GPR89B: variants seen among roughly 807,000 people sequenced by gnomAD.
The protein encoded by GPR89B is G protein-coupled receptor 89B.
Under a neutral mutation model 52.4 loss-of-function variants are expected in GPR89B, and 25 were observed. The ratio of observed to expected loss-of-function variants is 0.48; its 90% confidence interval spans 0.35 to 0.67. GPR89B has a LOEUF of 0.67. Ranked by LOEUF, GPR89B falls within the 30% of genes least tolerant of loss-of-function variation. The probability of loss-of-function intolerance (pLI) is 0.01; values close to 1 mark genes in which losing one functional copy is unlikely to be tolerated. For missense variants in GPR89B, 146 were observed against 450.2 expected, an observed-to-expected ratio of 0.32 and a Z score of 6.11; for synonymous variants, 52 against 151.2, an observed-to-expected ratio of 0.34 and a Z score of 4.81.
At chr1:147,940,616 A>G (rs1553248775) in intron 3 of GPR89B, among the ~76,000 whole-genome samples, 1 of 152,208 alleles carries the variant, frequency 6.6e-6, no homozygotes, top group Non-Finnish European at 1.5e-5. Flanking sequence ...TCTGTGGACC[A>G]GAAGGTTTCT....
In GPR89B at chr1:147,992,798, C is replaced by T; in HGVS notation, c.1249C>T (p.Leu417=). The change falls in exon 14 of 14, where the codon CTG becomes TTG. Residue 417 remains leucine (L), a synonymous_variant. Coordinates refer to ENST00000314163, the MANE Select transcript of GPR89B (RefSeq NM_016334.5). Reference sequence around the variant, plus strand: ...CATAATCACTGAAGTCCTTGGAGAACTGCAGTTCAACTTCTATCACCGTTG... The same window carrying T: ...CATAATCACTGAAGTCCTTGGAGAATTGCAGTTCAACTTCTATCACCGTTG... ...RTIITEVLGE[L]QFNFYHRWFD... 2 of 1,326,018 alleles carry T rather than the reference C, an allele frequency of 1.5e-6. No homozygotes were observed. The highest frequency in any genetic ancestry group is 1.2e-5 in the South Asian group (1 of 82,216). 82.1% of individuals were successfully genotyped at this position (1,326,018 alleles called of 1,614,324 possible).
chr1:147,934,415 G>A (rs587719279), intron 1 of GPR89B, among the ~76,000 whole-genome samples: 2 of 152,188 alleles, frequency 1.3e-5, no homozygotes, highest in South Asian at 2.1e-4. Context: ...GGGCTCAAGC[G>A]ATCTACCCAA....
chr1:148,000,887 T>C, the GPR89B span, among the ~76,000 whole-genome samples: 1 of 142,870 alleles, frequency 7.0e-6, no homozygotes. Flanking sequence ...CAGGTTGGTC[T>C]TGGTCTATCT....
intron 12 of GPR89B, among the ~76,000 whole-genome samples, chr1:147,991,967 A>C (rs1659102761): frequency 6.6e-6 from 1 of 152,104 alleles, no homozygotes; most frequent in Non-Finnish European, 1.5e-5. Flanking sequence ...TTATGAGGCC[A>C]GCATCATCCT....
rs1289750954 is a variant in GPR89B at position 147,949,214 on chromosome 1, C to T, written c.416-4131C>T. On this transcript the variant is annotated intron_variant, in intron 5 of 13. Transcript: ENST00000314163. ...TTTCTCAATCCTTTCCCCGCCTTTCCCCCCTTTCCATTCCACAAAACCGCC... is the reference window on the plus strand; with the variant it reads ...TTTCTCAATCCTTTCCCCGCCTTTCTCCCCTTTCCATTCCACAAAACCGCC... 5.3e-5 allele frequency among the ~76,000 whole-genome samples: 8 copies of T among 152,244 alleles called. No homozygotes were observed. The East Asian group carries it at 1.6e-3, about 30-fold the overall frequency.
downstream of GPR89B, chr1:147,995,694 T>C (rs1659300094): frequency 4.4e-6 from 7 of 1,608,500 alleles, no homozygotes; most frequent in Non-Finnish European, 5.9e-6. Flanking sequence ...GAGGAAACAA[T>C]AGGGATTTTC....
intron 7 of GPR89B, among the ~76,000 whole-genome samples, chr1:147,963,396 C>A (rs1365771599): frequency 6.9e-6 from 1 of 145,902 alleles, no homozygotes; most frequent in African/African-American, 2.5e-5. Flanking sequence ...AAAAAAAATA[C>A]TGTTAAGAGG....
chr1:147,939,689 C>T (rs1295100912), intron 3 of GPR89B, among the ~76,000 whole-genome samples: 1 of 152,100 alleles, frequency 6.6e-6, no homozygotes, highest in African/African-American at 2.4e-5. Context: ...AATCACAAAA[C>T]ATTGAAAGGT....
the GPR89B span, chr1:148,009,567 C>T: frequency 6.5e-7 from 1 of 1,535,144 alleles, no homozygotes; most frequent in Non-Finnish European, 9.0e-7. Flanking sequence ...CACTGAATTC[C>T]CACTCTTTCT....
rs377310946 is a variant in GPR89B at position 147,928,480 on chromosome 1, C to G, written c.-57C>G. On this transcript the variant is annotated 5_prime_UTR_variant, in exon 1 of 14. Coordinates refer to ENST00000314163, the MANE Select transcript of GPR89B (RefSeq NM_016334.5). The stretch of plus-strand genomic sequence containing the variant: ...CGTGTGAGGGGGCCTGTGGCCCCAG[C>G]GTGCTGTGGCCTCCGGGAGTGGGAA... The G allele has an allele frequency of 7.1e-4, 1,139 of 1,605,398 alleles. 12 individuals carry two copies. In the African/African-American group the frequency reaches 0.013, roughly 19 times the overall value.
At chr1:147,944,895 A>AATATAT (rs1224164818) in intron 5 of GPR89B, among the ~76,000 whole-genome samples, 21 of 148,354 alleles carry the variant, frequency 1.4e-4, no homozygotes, top group African/African-American at 5.2e-4. Context: ...CCTTTTTAAA[A>AATATAT]ATATATATAT....
At chr1:147,934,307 G>A (rs1408502460) in intron 1 of GPR89B, among the ~76,000 whole-genome samples, 37 of 152,022 alleles carry the variant, frequency 2.4e-4, no homozygotes, top group Non-Finnish European at 1.2e-4. Flanking sequence ...CTCCCCATAA[G>A]CTGGAACTAC....
intron 7 of GPR89B, among the ~76,000 whole-genome samples, chr1:147,963,455 T>C (rs1353983625): frequency 6.7e-6 from 1 of 149,942 alleles, no homozygotes; most frequent in Non-Finnish European, 1.5e-5. Context: ...AAGCCACTTA[T>C]TTGAGAAAGC....
chr1:147,983,951 G>A (rs1388288134), intron 10 of GPR89B, among the ~76,000 whole-genome samples: 11 of 151,958 alleles, frequency 7.2e-5, no homozygotes, highest in Non-Finnish European at 1.5e-4. Flanking sequence ...TGATAGACTG[G>A]ATTCAGAAAA....
At chr1:147,995,165 GTTAATC>G (rs1202020232), downstream of GPR89B, among the ~76,000 whole-genome samples, 1 of 151,242 alleles carries the variant, frequency 6.6e-6, no homozygotes, top group African/African-American at 2.4e-5. Context: ...CTTTAATATA[GTTAATC>G]TTAGTTAACA....
In GPR89B at chr1:147,992,509, A is replaced by G; in HGVS notation, c.1103A>G (p.Tyr368Cys). ...GLLITLTKFF[Y>C]AISSSKSSNV... ...CTCCCTCTTTCTTGACAGTTCTTTT[A>G]TGCCATCTCTAGCAGTAAGTCCTCC... Residue 368 changes from tyrosine (Y) to cysteine (C), a missense_variant, in exon 13 of 14, where the codon TAT becomes TGT. Transcript: ENST00000314163. 6.2e-7 allele frequency: 1 copy of G among 1,611,560 alleles called. No individual in the cohort carries two copies. The highest frequency in any genetic ancestry group is 8.5e-7 in the Non-Finnish European group (1 of 1,179,590).
chr1:148,006,435 C>G, the GPR89B span, among the ~76,000 whole-genome samples: 3 of 152,214 alleles, frequency 2.0e-5, no homozygotes, highest in Admixed American at 6.5e-5. Flanking sequence ...GTGCTACTTA[C>G]AGAAATGCTG....
the GPR89B span, among the ~76,000 whole-genome samples, chr1:148,005,877 A>G: frequency 6.6e-6 from 1 of 151,976 alleles, no homozygotes; most frequent in Non-Finnish European, 1.5e-5. Context: ...CCAATGTACC[A>G]ACAAACTGGA....
At chr1:148,016,213 C>T in the GPR89B span, among the ~76,000 whole-genome samples, 14 of 86,414 alleles carry the variant, frequency 1.6e-4, no homozygotes, top group Admixed American at 2.8e-4. Context: ...ACTCCTTTGA[C>T]GTTTCTGTAG....
Sources: allele counts gnomAD v4.1 joint callset (sites outside exome capture counted in the v4.1 genomes callset), GRCh38; gene constraint gnomAD v4.1.1; transcripts MANE v1.5; gene names NCBI Gene and HGNC (gene_info 2026-07-23, HGNC 2026-07-21).